The following EPM2A variants were observed in gnomAD, a reference collection of about 807,000 sequenced individuals.
EPM2A encodes the protein laforin.
A neutral mutation model predicts 26.5 loss-of-function variants in EPM2A; 21 were observed. The observed-to-expected ratio is 0.79, with a 90% CI of 0.56 to 1.14. The LOEUF is 1.14. EPM2A is among the 50% of genes most tolerant of loss of function. The pLI, the probability that EPM2A is intolerant of heterozygous loss-of-function variation, is 0.00. For missense variants in EPM2A, 458 were observed against 440.8 expected, an observed-to-expected ratio of 1.04 and a Z score of -0.35; for synonymous variants, 217 against 177.6, an observed-to-expected ratio of 1.22 and a Z score of -1.76.
intron 4 of EPM2A, among the ~76,000 whole-genome samples, chr6:145,418,002 A>C (rs771313456): frequency 1.3e-5 from 2 of 151,994 alleles, no homozygotes; most frequent in Non-Finnish European, 1.5e-5. Context: ...ACCCCTGATA[A>C]TTCACTGCTC....
chr6:145,649,647 TCTGTGTCTTC>T (rs1326325063), intron 2 of EPM2A, among the ~76,000 whole-genome samples: 4 of 152,332 alleles, frequency 2.6e-5, no homozygotes, highest in Middle Eastern at 3.4e-3. Context: ...TTAATTCATT[TCTGTGTCTTC>T]GAGAGACCAG....
At chr6:145,719,200 T>C (rs1313907443) in intron 1 of EPM2A, among the ~76,000 whole-genome samples, 5 of 150,120 alleles carry the variant, frequency 3.3e-5, no homozygotes, top group African/African-American at 1.2e-4. Flanking sequence ...TTATTCACAA[T>C]AGCAAAGACT....
chr6:145,512,237 T>A (rs754312013), intron 2 of EPM2A, among the ~76,000 whole-genome samples: 1 of 151,958 alleles, frequency 6.6e-6, no homozygotes, highest in Non-Finnish European at 1.5e-5. Flanking sequence ...TCCACAGAAT[T>A]AGAAAAAAAA....
intron 2 of EPM2A, among the ~76,000 whole-genome samples, chr6:145,659,454 G>A (rs1054328207): frequency 5.3e-5 from 8 of 151,870 alleles, no homozygotes; most frequent in East Asian, 1.9e-4. Flanking sequence ...AGAATATGAG[G>A]TAAATACAAT....
intron 2 of EPM2A, among the ~76,000 whole-genome samples, chr6:145,646,037 A>G (rs1313345599): frequency 6.6e-6 from 1 of 152,136 alleles, no homozygotes; most frequent in African/African-American, 2.4e-5. Flanking sequence ...TTTTTCCCTT[A>G]AACAATGTAA....
intron 2 of EPM2A, among the ~76,000 whole-genome samples, chr6:145,565,333 G>A (rs426371): frequency 0.27 from 40,783 of 152,056 alleles, 5,966 homozygotes; most frequent in South Asian, 0.4. Context: ...TGTATCAGGC[G>A]CAAATGAGAG....
At chr6:145,532,156 C>G (rs117438375) in intron 2 of EPM2A, among the ~76,000 whole-genome samples, 4 of 152,274 alleles carry the variant, frequency 2.6e-5, no homozygotes, top group Admixed American at 1.3e-4. Context: ...ATGACTGCCT[C>G]GCCTAACAGA....
chr6:145,548,920 C>T (rs1780618237), intron 2 of EPM2A, among the ~76,000 whole-genome samples: 1 of 152,126 alleles, frequency 6.6e-6, no homozygotes, highest in Non-Finnish European at 1.5e-5. Flanking sequence ...GAAAATTCTA[C>T]TGCTAAGGAG....
chr6:145,661,097 A>G (rs952618289), intron 2 of EPM2A, among the ~76,000 whole-genome samples: 30 of 152,152 alleles, frequency 2.0e-4, no homozygotes, highest in Non-Finnish European at 2.9e-5. Context: ...TGCGGGTCCG[A>G]GAAAGAAGTA....
At chr6:145,401,969 T>C (rs1778496303) in intron 4 of EPM2A, among the ~76,000 whole-genome samples, 1 of 152,196 alleles carries the variant, frequency 6.6e-6, no homozygotes, top group Admixed American at 6.6e-5. Context: ...ATCTCGTACA[T>C]AATTAGAAAA....
intron 4 of EPM2A, among the ~76,000 whole-genome samples, chr6:145,387,248 C>A: frequency 6.6e-6 from 1 of 152,162 alleles, no homozygotes; most frequent in Non-Finnish European, 1.5e-5. Context: ...AACGCCTACA[C>A]ACTGAGACAA....
intron 4 of EPM2A, among the ~76,000 whole-genome samples, chr6:145,426,968 A>C (rs542107937): frequency 5.3e-5 from 8 of 152,344 alleles, no homozygotes; most frequent in African/African-American, 1.9e-4. Context: ...GCATAGATAC[A>C]TAGTTCATTC....
At chr6:145,730,345 C>G (rs940111569) in intron 1 of EPM2A, among the ~76,000 whole-genome samples, 25 of 152,170 alleles carry the variant, frequency 1.6e-4, no homozygotes, top group Non-Finnish European at 3.4e-4. Flanking sequence ...ATGGGGAATA[C>G]CTAAGGATGA....
chr6:145,656,426 G>C (rs1562450094), intron 2 of EPM2A, among the ~76,000 whole-genome samples: 1 of 152,188 alleles, frequency 6.6e-6, no homozygotes, highest in Non-Finnish European at 1.5e-5. Context: ...CCACAGGAGA[G>C]CACCTAGACC....
At chr6:145,447,987 G>T (rs1779147542) in intron 4 of EPM2A, among the ~76,000 whole-genome samples, 1 of 151,896 alleles carries the variant, frequency 6.6e-6, no homozygotes, top group Admixed American at 6.6e-5. Context: ...TAAACTATTG[G>T]AATCAAAAAG....
At chr6:145,489,949 T>C in intron 4 of EPM2A, 1 of 1,373,892 alleles carries the variant, frequency 7.3e-7, no homozygotes, top group South Asian at 1.2e-5. Flanking sequence ...TTGGACCTGC[T>C]CTGGAAGCAC....
chr6:145,452,145 T>C (rs1779203164), intron 4 of EPM2A, among the ~76,000 whole-genome samples: 1 of 152,200 alleles, frequency 6.6e-6, no homozygotes, highest in African/African-American at 2.4e-5. Flanking sequence ...CCATATCCCA[T>C]TCTCCAAATC....
chr6:145,622,108 G>T (rs577835734), downstream of EPM2A, among the ~76,000 whole-genome samples: 3 of 152,222 alleles, frequency 2.0e-5, no homozygotes, highest in South Asian at 6.2e-4. Context: ...ATTTTGGAGT[G>T]ATTTTTGAGG....
At chr6:145,686,941 T>C (rs1037289026) in intron 1 of EPM2A, 6 of 154,190 alleles carry the variant, frequency 3.9e-5, no homozygotes, top group African/African-American at 1.4e-4. Context: ...TCTGATGCCT[T>C]TGTGATGCTC....
Sources: allele counts gnomAD v4.1 joint callset (sites outside exome capture counted in the v4.1 genomes callset), GRCh38; gene constraint gnomAD v4.1.1; transcripts MANE v1.5; gene names NCBI Gene and HGNC (gene_info 2026-07-23, HGNC 2026-07-21).